TTN: variants seen among roughly 807,000 people sequenced by gnomAD.
The protein encoded by TTN is connectin.
Under a neutral mutation model 3,223.0 loss-of-function variants are expected in TTN, and 1,525 were observed. The ratio of observed to expected loss-of-function variants is 0.47; its 90% CI spans 0.45 to 0.49. TTN has a LOEUF of 0.49. Ranked by LOEUF, TTN falls within the 20% of genes least tolerant of loss-of-function variation. TTN has a pLI of 0.00. For missense variants in TTN, 40,786 were observed against 43,424.0 expected, an observed-to-expected ratio of 0.94 and a Z score of 5.40; for synonymous variants, 14,094 against 15,161.0, an observed-to-expected ratio of 0.93 and a Z score of 5.17.
intron 81 of TTN, 37 bp from the exon 82 acceptor site, chr2:178,719,869 AC>A: frequency 6.4e-7 from 1 of 1,571,248 alleles, no homozygotes; most frequent in Non-Finnish European, 8.6e-7. Flanking sequence ...AAACAAAGTA[AC>A]CTTTCAAACT....
In TTN at chr2:178,749,352, T is replaced by G. The variant is rs779606984; in HGVS notation, c.11311+3772A>C. 3 of 1,613,084 alleles carry G rather than the reference T, an allele frequency of 1.9e-6. No homozygotes were observed. The South Asian group carries it at 3.3e-5, about 18-fold the overall frequency. ...TGACATTGTATGAATTCAGCCCTGA[T>G]GGGCTTGCTGATTTTTATGGTTCTT... On this transcript the variant is annotated intron_variant, in intron 47 of 362. Transcript: ENST00000589042.
Position 178,697,164 on chromosome 2 carries a change from A to G in TTN, c.30759T>C (p.Ile10253=). 1.3e-6 allele frequency: 2 copies of G among 1,534,602 alleles called. No homozygotes were observed. Among genetic ancestry groups the G allele is most frequent in the South Asian group, 1.3e-5 (1 of 79,016 alleles). Residue 10253 remains isoleucine, a synonymous_variant, in exon 113 of 363, where the codon ATT becomes ATC. Transcript: ENST00000589042. ...TAGTAGGAGGTGGAGGCTTCTTGAC[A>G]ATCTCTGGGAGTTTAAAAACATAAA... ...KPKEMTPREE[I]VKKPPPPTTL...
rs1559155162 is a variant in TTN, at chr2:178,547,031, T to C, written c.94494A>G (p.Ser31498=). The part of the protein sequence containing the change: ...AAGVSKASEA[S]RPIMAQNPVD... ...CTGGATTTTGAGCCATTATAGGTCT[T>C]GAAGCTTCGCTGGCCTTGCTAACAC... Residue 31498 remains serine, a synonymous_variant, in exon 340 of 363, where the codon TCA becomes TCG. Coordinates refer to ENST00000589042, the MANE Select transcript of TTN (RefSeq NM_001267550.2). 1 of 1,613,014 alleles carries C rather than the reference T, an allele frequency of 6.2e-7. No individual in the cohort carries two copies. Among genetic ancestry groups the C allele is most frequent in the Middle Eastern group, 1.7e-4 (1 of 6,054 alleles).
At chr2:178,685,465 AAAG>A (rs2070604790) in intron 128 of TTN, 50 bp downstream of exon 128, 15 of 1,548,554 alleles carry the variant, frequency 9.7e-6, no homozygotes, top group African/African-American at 1.4e-5. Flanking sequence ...AAGGAAACAT[AAAG>A]AAGGAGACAA....
At chr2:178,724,170 T>G in intron 72 of TTN, 27 bp from the exon 73 acceptor site, 1 of 1,591,166 alleles carries the variant, frequency 6.3e-7, no homozygotes, top group Non-Finnish European at 8.6e-7. Context: ...AAGAGACTCA[T>G]CATGATTTGA....
Position 178,550,041 on chromosome 2 carries a change from C to T in TTN, c.91797G>A (p.Val30599=), listed in dbSNP as rs1466832775. ...CAGAACCAGATGCATTTTTGGCTTC[C>T]ACTGTGTATACACCACGATGGTCCC... The part of the protein sequence containing the change: ...ATRDHRGVYT[V]EAKNASGSAK... The change falls in exon 337 of 363, where the codon GTG becomes GTA. Residue 30599 remains valine, a synonymous_variant. Coordinates refer to ENST00000589042, the MANE Select transcript of TTN (RefSeq NM_001267550.2). 1.2e-6 allele frequency: 2 copies of T among 1,612,338 alleles called. No individual in the cohort carries two copies. The highest frequency in any genetic ancestry group is 2.2e-5 in the East Asian group (1 of 44,860).
intron 111 of TTN, among the ~76,000 whole-genome samples, chr2:178,699,647 G>A (rs1407945521): frequency 9.0e-5 from 13 of 145,034 alleles, no homozygotes; most frequent in Admixed American, 2.7e-4. Context: ...TCCTGACCTT[G>A]TGATCCGCCC....
At position 178,672,074 on chromosome 2, in the gene TTN, ATGT is replaced by A; in HGVS notation, c.35121_35123del (p.Gln11707del). On this transcript the variant is annotated inframe_deletion, in exon 155 of 363. Coordinates refer to ENST00000589042, the MANE Select transcript of TTN (RefSeq NM_001267550.2). Reference sequence around the variant, plus strand: ...CAACTCTGTGTTCTTCTTCAACTCTATGTTGTTCTAATTTGATGAATTCTTCTA... The same window carrying A: ...CAACTCTGTGTTCTTCTTCAACTCTATGTTCTAATTTGATGAATTCTTCTA... 6.2e-7 allele frequency: 1 copy of A among 1,612,156 alleles called. No homozygotes were observed. Among genetic ancestry groups the A allele is most frequent in the South Asian group, 1.1e-5 (1 of 90,836 alleles).
chr2:178,771,254 G>A lies in TTN; in HGVS notation c.8073C>T (p.Tyr2691=), dbSNP rs1204725250. 2 of 1,613,990 alleles carry A rather than the reference G, an allele frequency of 1.2e-6. No homozygotes were observed. Among genetic ancestry groups the A allele is most frequent in the Admixed American group, 1.7e-5 (1 of 59,996 alleles). The change falls in exon 34 of 363, where the codon TAC becomes TAT. Residue 2691 remains tyrosine (Y), a synonymous_variant. Coordinates refer to ENST00000589042, the MANE Select transcript of TTN (RefSeq NM_001267550.2). ...CAGATGTTTTGGAGGTGGCCACCTT[G>A]TAGGTATATTCTCCAATGTCATCTA... The part of the protein sequence containing the change: ...TKLDDIGEYT[Y]KVATSKTSAK...
Position 178,564,751 on chromosome 2 carries a change from A to T in TTN, c.81381T>A (p.Ile27127=), listed in dbSNP as rs1553578131. The change falls in exon 326 of 363, where the codon ATT becomes ATA. Residue 27127 remains isoleucine, a synonymous_variant. Coordinates refer to ENST00000589042, the MANE Select transcript of TTN (RefSeq NM_001267550.2). ...CAGTTGTTTTGAATTTGGTGTCCTG[A>T]ATGGGGGTCTTATTTAACTTGACCC... The part of the protein sequence containing the change: ...ILWVKLNKTP[I]QDTKFKTTGL... 3.1e-6 allele frequency: 5 copies of T among 1,612,774 alleles called. No homozygotes were observed. In the African/African-American group the frequency reaches 4.0e-5, roughly 13 times the overall value.
In TTN at chr2:178,571,169, A is replaced by G; in HGVS notation, c.74963T>C (p.Ile24988Thr). Reference protein sequence around the residue: ...EYEFRVSAENIVGIGKPSKVS... With the variant: ...EYEFRVSAENTVGIGKPSKVS... ...TTTACTCGGCTTGCCAATGCCCACG[A>G]TGTTCTCTGCAGAGACTCTAAATTC... The change falls in exon 326 of 363, where the codon ATC becomes ACC. Residue 24988 changes from isoleucine (I) to threonine (T), a missense_variant. Ile to Thr is a moderately conservative substitution (Grantham distance 89, BLOSUM62 -1). Transcript: ENST00000589042. 6.2e-7 allele frequency: 1 copy of G among 1,613,500 alleles called. No homozygotes were observed. Among genetic ancestry groups the G allele is most frequent in the Non-Finnish European group, 8.5e-7 (1 of 1,179,628 alleles).
intron 216 of TTN, 101 bp downstream of exon 216, chr2:178,646,384 A>C: frequency 1.4e-6 from 1 of 734,906 alleles, no homozygotes; most frequent in Non-Finnish European, 2.1e-6. Context: ...CTTTACATAC[A>C]AATGGGAACA....
At position 178,802,302 on chromosome 2, in the gene TTN, T is replaced by A. The variant is rs867308852; in HGVS notation, c.131A>T (p.Gln44Leu). The change falls in exon 3 of 363, where the codon CAG (glutamine) becomes CTG (leucine). Residue 44 changes from glutamine (Q) to leucine (L), a missense_variant. Gln to Leu is a moderately radical substitution (Grantham distance 113, BLOSUM62 -2). Coordinates refer to ENST00000589042, the MANE Select transcript of TTN (RefSeq NM_001267550.2). ...GGGCAGAGTGGAAGTGGAAATCACCTGGCCATCCCTAAACCAGCTCACCTC... is the reference window on the plus strand; with the variant it reads ...GGGCAGAGTGGAAGTGGAAATCACCAGGCCATCCCTAAACCAGCTCACCTC... The part of the protein sequence containing the change: ...VPEVSWFRDG[Q>L]VISTSTLPGV... The A allele has an allele frequency of 5.6e-6, 9 of 1,614,010 alleles. No individual in the cohort carries two copies. In the East Asian group the frequency reaches 1.8e-4, roughly 32 times the overall value.
At chr2:178,745,560 T>C in intron 47 of TTN, 1 of 1,611,216 alleles carries the variant, frequency 6.2e-7, no homozygotes, top group East Asian at 2.2e-5. Flanking sequence ...TGCTAATAAT[T>C]ACTGAGGCAC....
At chr2:178,622,100 GCAAC>G (rs1321196841) in intron 243 of TTN, 92 bp from the exon 244 acceptor site, 1 of 1,243,246 alleles carries the variant, frequency 8.0e-7, no homozygotes, top group Non-Finnish European at 1.1e-6. Flanking sequence ...TTTTCTGAAA[GCAAC>G]CAACAAGACT....
At position 178,570,186 on chromosome 2, in the gene TTN, C is replaced by G; in HGVS notation, c.75946G>C (p.Val25316Leu). Residue 25316 changes from valine to leucine, a missense_variant, in exon 326 of 363, where the codon GTG becomes CTG. Val to Leu is a conservative substitution (Grantham distance 32, BLOSUM62 1). Transcript: ENST00000589042. ...DAPKAPEVTT[V>L]TKDSMIVVWE... ...ACAACAATCATTGAGTCCTTGGTCACTGTTGTGACTTCTGGAGCTTTTGGT... is the reference window on the plus strand; with the variant it reads ...ACAACAATCATTGAGTCCTTGGTCAGTGTTGTGACTTCTGGAGCTTTTGGT... 6.2e-7 allele frequency: 1 copy of G among 1,613,512 alleles called. No individual in the cohort carries two copies. Among genetic ancestry groups the G allele is most frequent in the Non-Finnish European group, 8.5e-7 (1 of 1,179,630 alleles).
intron 326 of TTN, chr2:178,558,978 CATATG>C (rs1304629935): frequency 1.1e-5 from 4 of 350,008 alleles, no homozygotes; most frequent in African/African-American, 2.2e-5. Context: ...CACATACACA[CATATG>C]ATATATGTCA....
At chr2:178,791,320 G>C (rs1561437446) in intron 10 of TTN, among the ~76,000 whole-genome samples, 1 of 152,176 alleles carries the variant, frequency 6.6e-6, no homozygotes, top group Non-Finnish European at 1.5e-5. Flanking sequence ...TTCTCAACTG[G>C]ACCTTTAAAG....
In TTN at chr2:178,740,460, T is replaced by G; in HGVS notation, c.12773A>C (p.Gln4258Pro). The G allele has an allele frequency of 6.2e-7, 1 of 1,613,710 alleles. No homozygotes were observed. Among genetic ancestry groups the G allele is most frequent in the Non-Finnish European group, 8.5e-7 (1 of 1,179,792 alleles). The part of the protein sequence containing the change: ...QRVTLQKQEA[Q>P]SALILSQSLA... ...GCTCTGACTCAAGATGAGCGCACTTTGTGCCTCTTGCTTTTGAAGAGTCAC... is the reference window on the plus strand; with the variant it reads ...GCTCTGACTCAAGATGAGCGCACTTGGTGCCTCTTGCTTTTGAAGAGTCAC... Residue 4258 changes from glutamine to proline, a missense_variant, in exon 48 of 363, where the codon CAA becomes CCA. Gln to Pro is a moderately conservative substitution (Grantham distance 76). Transcript: ENST00000589042.
Sources: gnomAD v4.1 joint callset for allele counts (sites outside exome capture counted in the v4.1 genomes callset) on GRCh38, gnomAD v4.1.1 for gene constraint, MANE v1.5 for transcripts, NCBI Gene and HGNC (gene_info 2026-07-23, HGNC 2026-07-21) for gene names.